The following GPATCH2L variants were observed in gnomAD, a reference collection of about 807,000 sequenced individuals.
GPATCH2L encodes the protein G patch domain-containing protein 2-like.
Under a neutral mutation model 57.4 loss-of-function variants are expected in GPATCH2L, and 31 were observed. That is an observed-to-expected ratio of 0.54 (90% CI 0.41 to 0.73). The LOEUF (loss-of-function observed/expected upper bound fraction) is 0.73. GPATCH2L is among the 30% of genes least tolerant of loss of function. The pLI, the probability that GPATCH2L is intolerant of heterozygous loss-of-function variation, is 0.00. For synonymous variants in GPATCH2L, 199 were observed against 210.7 expected (o/e 0.94, Z 0.48); for missense variants, 481 against 599.9 (o/e 0.80, Z 2.07).
Position 76,195,902 on chromosome 14 carries a change from A to G in GPATCH2L, c.1218A>G (p.Pro406=), listed in dbSNP as rs1424846651. The change falls in exon 9 of 10, where the codon CCA becomes CCG. Residue 406 remains proline, a synonymous_variant. Coordinates refer to ENST00000261530, the MANE Select transcript of GPATCH2L (RefSeq NM_017926.4). Reference sequence around the variant, plus strand: ...GACAGGCAAATGTACACTGGGGACCACCATGTTCACGTGACATCAAGAGGA... The same window carrying G: ...GACAGGCAAATGTACACTGGGGACCGCCATGTTCACGTGACATCAAGAGGA... ...SARQANVHWG[P]PCSRDIKRKR... 28 of 1,613,640 alleles carry G rather than the reference A, an allele frequency of 1.7e-5. No homozygotes were observed. Among genetic ancestry groups the G allele is most frequent in the Non-Finnish European group, 1.9e-5 (23 of 1,179,696 alleles).
intron 1 of GPATCH2L, among the ~76,000 whole-genome samples, chr14:76,227,210 C>A (rs1359267149): frequency 6.6e-6 from 1 of 152,210 alleles, no homozygotes; most frequent in Non-Finnish European, 1.5e-5. Flanking sequence ...AAAGAAACTT[C>A]CACAGCATCA....
chr14:76,156,264 A>G (rs17104098), intron 2 of GPATCH2L, among the ~76,000 whole-genome samples: 3,107 of 152,314 alleles, frequency 0.02, 73 homozygotes, highest in East Asian at 0.13. Context: ...ACCTTTCTGA[A>G]GTTTAGCTTA....
rs894471723 is a variant in GPATCH2L, at chr14:76,212,527, A to G, written c.*10676A>G. The G allele has an allele frequency of 4.6e-5, 7 of 152,350 alleles. No individual in the cohort carries two copies. Among genetic ancestry groups the G allele is most frequent in the Admixed American group, 3.9e-4 (6 of 15,300 alleles). 9.4% of individuals were successfully genotyped at this position (152,350 alleles called of 1,614,324 possible). A position where few individuals can be genotyped will look rare whatever the true frequency, so the allele number is the denominator to read the frequency against. On this transcript the variant is annotated 3_prime_UTR_variant, in exon 10 of 10. Coordinates refer to ENST00000261530, the MANE Select transcript of GPATCH2L (RefSeq NM_017926.4). Reference sequence around the variant, plus strand: ...ATGTATTGGAAACCATAGGAGACACAGGAAGAAACAAATACAATGTTAGTT... The same window carrying G: ...ATGTATTGGAAACCATAGGAGACACGGGAAGAAACAAATACAATGTTAGTT...
chr14:76,156,319 C>G (rs2038304293), intron 2 of GPATCH2L, among the ~76,000 whole-genome samples: 1 of 152,204 alleles, frequency 6.6e-6, no homozygotes, highest in South Asian at 2.1e-4. Flanking sequence ...GAGGCTGTGT[C>G]AGTAACAGGA....
chr14:76,172,846 A>G (rs994031062), intron 4 of GPATCH2L, among the ~76,000 whole-genome samples: 5 of 152,194 alleles, frequency 3.3e-5, no homozygotes, highest in African/African-American at 1.2e-4. Flanking sequence ...TTTGTTTGTC[A>G]TGGTGAATTT....
chr14:76,159,297 T>C (rs2038459758), intron 2 of GPATCH2L, among the ~76,000 whole-genome samples: 1 of 152,270 alleles, frequency 6.6e-6, no homozygotes. Flanking sequence ...TGGTTCCCAC[T>C]GGCAGTCATC....
chr14:76,233,310 T>C (rs989922244), intron 2 of GPATCH2L, among the ~76,000 whole-genome samples: 2 of 152,252 alleles, frequency 1.3e-5, no homozygotes, highest in African/African-American at 2.4e-5. Flanking sequence ...ATCTGTTTTA[T>C]CACAGCCTCA....
At chr14:76,230,635 A>G (rs2040556878) in intron 2 of GPATCH2L, among the ~76,000 whole-genome samples, 1 of 152,204 alleles carries the variant, frequency 6.6e-6, no homozygotes, top group African/African-American at 2.4e-5. Context: ...TCTAGGATGT[A>G]GTTTGTTATA....
intron 1 of GPATCH2L, among the ~76,000 whole-genome samples, chr14:76,223,112 A>G (rs2040522916): frequency 6.6e-6 from 1 of 152,232 alleles, no homozygotes; most frequent in Admixed American, 6.5e-5. Flanking sequence ...AAATAATACA[A>G]AAAGAAAAAT....
intron 8 of GPATCH2L, among the ~76,000 whole-genome samples, chr14:76,184,872 C>G (rs2039706480): frequency 6.6e-6 from 1 of 152,158 alleles, no homozygotes; most frequent in Admixed American, 6.5e-5. Context: ...TTAAAGCTCC[C>G]TAGGTGATTA....
chr14:76,152,607 C>T (rs1388280979), intron 1 of GPATCH2L: 3 of 454,954 alleles, frequency 6.6e-6, no homozygotes, highest in Admixed American at 4.7e-5. Flanking sequence ...CGGGTCCTCT[C>T]GAGAGTGTGC....
intron 2 of GPATCH2L, among the ~76,000 whole-genome samples, chr14:76,162,453 C>T (rs945024038): frequency 7.2e-5 from 11 of 152,078 alleles, no homozygotes; most frequent in African/African-American, 1.9e-4. Flanking sequence ...TTGCTTCTGC[C>T]GTGTGCGATC....
At chr14:76,235,400 A>G (rs190094551) in intron 2 of GPATCH2L, among the ~76,000 whole-genome samples, 2 of 152,248 alleles carry the variant, frequency 1.3e-5, no homozygotes, top group East Asian at 3.9e-4. Context: ...ATGAGATCTT[A>G]TGGTTTTATA....
Position 76,210,619 on chromosome 14 carries a change from CAAGAG to C in GPATCH2L, c.*8771_*8775del, listed in dbSNP as rs1566824069. ...GTTTTGTTCTTGAGAGTGACCAGAGCAAGAGAAAAGTCAATGAAATTTTGCAGATC... is the reference window on the plus strand; with the variant it reads ...GTTTTGTTCTTGAGAGTGACCAGAGCAAAAGTCAATGAAATTTTGCAGATC... On this transcript the variant is annotated 3_prime_UTR_variant, in exon 10 of 10. Transcript: ENST00000261530. 6.6e-6 allele frequency: 1 copy of C among 152,154 alleles called. No homozygotes were observed. The highest frequency in any genetic ancestry group is 1.5e-5 in the Non-Finnish European group (1 of 68,024). 9.4% of individuals were successfully genotyped at this position (152,154 alleles called of 1,614,324 possible).
chr14:76,234,359 T>C (rs2040588211), intron 2 of GPATCH2L, among the ~76,000 whole-genome samples: 2 of 152,196 alleles, frequency 1.3e-5, no homozygotes, highest in South Asian at 4.1e-4. Flanking sequence ...TCCTACCTCT[T>C]GGGGTCTACA....
intron 9 of GPATCH2L, among the ~76,000 whole-genome samples, chr14:76,200,756 T>A (rs1324092588): frequency 5.3e-5 from 8 of 152,218 alleles, no homozygotes; most frequent in Non-Finnish European, 1.0e-4. Flanking sequence ...CATGACCCAC[T>A]AAATTGATTT....
intron 1 of GPATCH2L, among the ~76,000 whole-genome samples, chr14:76,221,743 A>G (rs1169232490): frequency 6.6e-6 from 1 of 152,246 alleles, no homozygotes. Context: ...GGCTACCTAC[A>G]GTATGATATC....
intron 3 of GPATCH2L, 69 bp from the exon 4 acceptor site, chr14:76,171,774 A>T: frequency 1.1e-6 from 1 of 888,556 alleles, no homozygotes; most frequent in Non-Finnish European, 1.7e-6. Context: ...CTAAGAAATC[A>T]TCCCTCCCAT....
At chr14:76,157,645 A>G (rs1426364014) in intron 2 of GPATCH2L, among the ~76,000 whole-genome samples, 2 of 150,564 alleles carry the variant, frequency 1.3e-5, no homozygotes, top group Admixed American at 6.7e-5. Context: ...TTGATTGTTA[A>G]GCTTAGCTTA....
Sources: gnomAD v4.1 joint callset for allele counts (sites outside exome capture counted in the v4.1 genomes callset) on GRCh38, gnomAD v4.1.1 for gene constraint, MANE v1.5 for transcripts, NCBI Gene and HGNC (gene_info 2026-07-23, HGNC 2026-07-21) for gene names.